Variants in PDZD9 observed in about 807,000 individuals in gnomAD.
The protein encoded by PDZD9 is PDZ domain-containing protein 9.
In PDZD9, 13 loss-of-function variants were observed where a neutral mutation model predicts 16.3. The ratio of observed to expected loss-of-function variants is 0.80; its 90% CI spans 0.52 to 1.27. The LOEUF (loss-of-function observed/expected upper bound fraction) is 1.27. PDZD9 is among the 50% of genes most tolerant of loss of function. The pLI is 0.00. For missense variants in PDZD9, 288 were observed against 310.9 expected, an observed-to-expected ratio of 0.93 and a Z score of 0.55; for synonymous variants, 120 against 111.0, an observed-to-expected ratio of 1.08 and a Z score of -0.51.
At chr16:21,980,373 A>G, downstream of PDZD9, 2 of 693,784 alleles carry the variant, frequency 2.9e-6, no homozygotes, top group Non-Finnish European at 2.3e-6. Context: ...TTACTGTTTT[A>G]GTATGTTCCA....
chr16:21,975,761 G>A, the PDZD9 span, among the ~76,000 whole-genome samples: 1 of 152,146 alleles, frequency 6.6e-6, no homozygotes. Flanking sequence ...GTCTGGGGAA[G>A]TTTTAAAGGT....
intron 1 of PDZD9, chr16:21,998,188 C>T (rs1899197254): frequency 1.3e-5 from 2 of 152,294 alleles, no homozygotes; most frequent in Admixed American, 6.5e-5. Flanking sequence ...GGGCAAGGTC[C>T]AGTGGTTCCT....
At chr16:21,987,302 C>T (rs1025897767) in intron 3 of PDZD9, among the ~76,000 whole-genome samples, 10 of 152,092 alleles carry the variant, frequency 6.6e-5, no homozygotes, top group African/African-American at 2.4e-4. Context: ...CGCCTGTAAT[C>T]CCAGCTACCC....
chr16:21,991,826 C>G (rs1253529162), intron 2 of PDZD9, among the ~76,000 whole-genome samples: 1 of 152,074 alleles, frequency 6.6e-6, no homozygotes, highest in Non-Finnish European at 1.5e-5. Context: ...AGAATGATGC[C>G]GAGGAGAACT....
the PDZD9 span, among the ~76,000 whole-genome samples, chr16:21,963,852 T>C: frequency 2.6e-5 from 4 of 152,218 alleles, no homozygotes; most frequent in South Asian, 4.1e-4. Context: ...ACTATTGTAT[T>C]GCTATTATTG....
chr16:21,962,706 C>G, the PDZD9 span: 2 of 1,610,820 alleles, frequency 1.2e-6, no homozygotes, highest in Non-Finnish European at 1.7e-6. Flanking sequence ...TGTAGAATCT[C>G]AAATGTTGGC....
At chr16:21,999,373 G>T in intron 1 of PDZD9, 2 of 192,694 alleles carry the variant, frequency 1.0e-5, no homozygotes, top group East Asian at 2.5e-4. Context: ...GCTGTGTTTG[G>T]GGACAACCAG....
rs1007335767 is a variant in PDZD9, at chr16:21,983,907, CA to C, written c.*359del. The C allele has an allele frequency of 5.6e-5, 9 of 160,494 alleles. No individual in the cohort carries two copies. Among genetic ancestry groups the C allele is most frequent in the Non-Finnish European group, 8.1e-5 (6 of 74,506 alleles). The allele number at this position is 160,494 out of a possible 1,614,324, so 9.9% of individuals were successfully genotyped here. On this transcript the variant is annotated 3_prime_UTR_variant, in exon 4 of 4. Coordinates refer to ENST00000424898, the MANE Select transcript of PDZD9 (RefSeq NM_001363519.1). ...TTTAATTATAGTACTTGAAGTTTAC[CA>C]AAAAAAAGAGAGAAACTAAATATTT...
the PDZD9 span, among the ~76,000 whole-genome samples, chr16:21,970,741 A>G: frequency 1.3e-5 from 2 of 152,194 alleles, no homozygotes; most frequent in South Asian, 4.2e-4. Context: ...GCATGCCACC[A>G]TTCCTGGCTA....
the PDZD9 span, among the ~76,000 whole-genome samples, chr16:21,977,914 T>C: frequency 6.6e-6 from 1 of 152,292 alleles, no homozygotes; most frequent in African/African-American, 2.4e-5. Flanking sequence ...ATTGTATACA[T>C]AGAACCAAGA....
At chr16:21,985,452 T>C (rs1191443258) in intron 3 of PDZD9, among the ~76,000 whole-genome samples, 1 of 152,094 alleles carries the variant, frequency 6.6e-6, no homozygotes, top group African/African-American at 2.4e-5. Context: ...TTTGTTGTTG[T>C]TGTTGTTGTT....
downstream of PDZD9, chr16:21,980,779 TCC>T: frequency 6.5e-7 from 1 of 1,533,232 alleles, no homozygotes; most frequent in Non-Finnish European, 8.9e-7. Flanking sequence ...TGCATAAGCG[TCC>T]TTGGGCAGTG....
chr16:21,976,159 T>C, the PDZD9 span: 4 of 1,612,470 alleles, frequency 2.5e-6, no homozygotes, highest in South Asian at 3.3e-5. Context: ...TTTTCTTATC[T>C]GTCCTAGGTT....
the PDZD9 span, chr16:21,971,516 T>C: frequency 6.2e-7 from 1 of 1,601,504 alleles, no homozygotes; most frequent in South Asian, 1.1e-5. Flanking sequence ...TTTGCTTCTG[T>C]TGAAACAGGT....
At chr16:21,992,849 T>C (rs1322517557) in intron 2 of PDZD9, among the ~76,000 whole-genome samples, 1 of 152,140 alleles carries the variant, frequency 6.6e-6, no homozygotes, top group Non-Finnish European at 1.5e-5. Flanking sequence ...CCCATCCAAA[T>C]GTCATTGCCG....
chr16:21,971,463 T>C, the PDZD9 span: 1 of 1,357,748 alleles, frequency 7.4e-7, no homozygotes, highest in Non-Finnish European at 1.0e-6. Context: ...AAGGAAAAAA[T>C]ATTTTACGAT....
chr16:21,975,706 G>C, the PDZD9 span, among the ~76,000 whole-genome samples: 4 of 152,136 alleles, frequency 2.6e-5, no homozygotes, highest in Admixed American at 6.5e-5. Flanking sequence ...TCTCTTCTTA[G>C]TGAATAGTAA....
At chr16:21,971,798 T>G in the PDZD9 span, 2 of 1,403,674 alleles carry the variant, frequency 1.4e-6, no homozygotes, top group Admixed American at 3.6e-5. Context: ...CAGGATGGCA[T>G]GGGGAAAGCA....
the PDZD9 span, chr16:21,972,083 G>GC: frequency 6.2e-7 from 1 of 1,614,000 alleles, no homozygotes; most frequent in African/African-American, 1.3e-5. Context: ...CCAGCCATCT[G>GC]CACCAGGCTG....
Sources: allele counts gnomAD v4.1 joint callset (sites outside exome capture counted in the v4.1 genomes callset), GRCh38; gene constraint gnomAD v4.1.1; transcripts MANE v1.5; gene names NCBI Gene and HGNC (gene_info 2026-07-23, HGNC 2026-07-21).